SLC7A2: variants seen among roughly 807,000 people sequenced by gnomAD.
SLC7A2 encodes solute carrier family 7 member 2.
A neutral mutation model predicts 58.9 loss-of-function variants in SLC7A2; 48 were observed. The observed-to-expected ratio is 0.82, with a 90% confidence interval of 0.65 to 1.04. SLC7A2 has a LOEUF of 1.04. Among genes scored for constraint, SLC7A2 ranks in the 50% least tolerant of loss-of-function variants. The pLI, the probability that SLC7A2 is intolerant of heterozygous loss-of-function variation, is 0.00. For synonymous variants in SLC7A2, 363 were observed against 314.5 expected (o/e 1.15, Z -1.63); for missense variants, 1,029 against 818.8 (o/e 1.26, Z -3.13).
intron 2 of SLC7A2, among the ~76,000 whole-genome samples, chr8:17,529,090 A>T (rs1268292246): frequency 1.3e-5 from 2 of 152,264 alleles, no homozygotes; most frequent in Non-Finnish European, 2.9e-5. Context: ...AAAAAGCATT[A>T]TAAAGGCTTT....
intron 2 of SLC7A2, among the ~76,000 whole-genome samples, chr8:17,538,228 TG>T (rs1347468568): frequency 6.6e-6 from 1 of 152,238 alleles, no homozygotes; most frequent in African/African-American, 2.4e-5. Context: ...TTACAGTGCT[TG>T]TAACTTTGTA....
Position 17,554,658 on chromosome 8 carries a change from A to G in SLC7A2, c.1154A>G (p.Lys385Arg), listed in dbSNP as rs757641764. The change falls in exon 8 of 13, where the codon AAG (lysine) becomes AGG (arginine). Residue 385 changes from lysine (K) to arginine (R), a missense_variant. Physicochemically the swap from Lys to Arg is conservative, Grantham distance 26 (BLOSUM62 2). Coordinates refer to ENST00000494857, the MANE Select transcript of SLC7A2 (RefSeq NM_001370338.1). ...CTAGCTCAAATCAATTCCAAAACGA[A>G]GACACCAATAATTGCTACTTTATCA... ...KCLAQINSKT[K>R]TPIIATLSSG... The G allele has an allele frequency of 6.2e-7, 1 of 1,613,462 alleles. No homozygotes were observed. The highest frequency in any genetic ancestry group is 2.2e-5 in the East Asian group (1 of 44,828).
intron 8 of SLC7A2, among the ~76,000 whole-genome samples, chr8:17,556,459 G>T (rs954481223): frequency 6.6e-6 from 1 of 151,848 alleles, no homozygotes; most frequent in African/African-American, 2.4e-5. Flanking sequence ...TTGTGATTTT[G>T]TACTCCCATA....
At chr8:17,510,616 CT>C (rs1800564732) in intron 2 of SLC7A2, 1 of 152,156 alleles carries the variant, frequency 6.6e-6, no homozygotes, top group Admixed American at 6.5e-5. Context: ...TGTTTGTTGG[CT>C]GCATGAATGT....
intron 1 of SLC7A2, among the ~76,000 whole-genome samples, chr8:17,501,330 A>G (rs1020044029): frequency 6.6e-6 from 1 of 152,202 alleles, no homozygotes; most frequent in Non-Finnish European, 1.5e-5. Flanking sequence ...GGACTCTTAA[A>G]GTTTAAATAT....
intron 2 of SLC7A2, among the ~76,000 whole-genome samples, chr8:17,503,719 C>T (rs1458772567): frequency 2.0e-5 from 3 of 152,118 alleles, no homozygotes; most frequent in Non-Finnish European, 4.4e-5. Flanking sequence ...GGTATGAATT[C>T]CTGTGGGAAA....
intron 2 of SLC7A2, among the ~76,000 whole-genome samples, chr8:17,521,904 C>A (rs1399602253): frequency 6.6e-6 from 1 of 152,186 alleles, no homozygotes; most frequent in Non-Finnish European, 1.5e-5. Flanking sequence ...AGCTGTTACC[C>A]AGTGGCCAGT....
chr8:17,508,381 C>A (rs1311740380), intron 2 of SLC7A2, among the ~76,000 whole-genome samples: 2 of 152,092 alleles, frequency 1.3e-5, no homozygotes, highest in East Asian at 3.9e-4. Flanking sequence ...TTGTATTCTT[C>A]CTGCATTGCT....
intron 8 of SLC7A2, chr8:17,555,096 A>G: frequency 1.2e-6 from 2 of 1,612,722 alleles, no homozygotes. Flanking sequence ...AGCTTTACAA[A>G]CTTAGGTTTC....
At chr8:17,538,680 G>A (rs1339948301) in intron 2 of SLC7A2, 3 of 844,436 alleles carry the variant, frequency 3.6e-6, no homozygotes, top group Non-Finnish European at 1.8e-6. Context: ...AGAAACGTTG[G>A]GTTTGGACAT....
At chr8:17,524,798 A>AT (rs372924751) in intron 2 of SLC7A2, among the ~76,000 whole-genome samples, 2,448 of 146,368 alleles carry the variant, frequency 0.017, 45 homozygotes, top group African/African-American at 0.04. Context: ...TCTAATCCTG[A>AT]TTTTTTTTTT....
At chr8:17,532,831 T>C (rs537046663) in intron 2 of SLC7A2, among the ~76,000 whole-genome samples, 1 of 152,322 alleles carries the variant, frequency 6.6e-6, no homozygotes, top group East Asian at 1.9e-4. Context: ...AATATATCCA[T>C]ATACACATAT....
chr8:17,547,232 G>A (rs1224213340), intron 4 of SLC7A2, among the ~76,000 whole-genome samples: 2 of 146,498 alleles, frequency 1.4e-5, no homozygotes, highest in Non-Finnish European at 3.1e-5. Context: ...AGGTGACCGA[G>A]TAGGGAAAGA....
intron 3 of SLC7A2, 150 bp from the exon 4 acceptor site, chr8:17,544,301 T>G: frequency 1.8e-6 from 1 of 557,308 alleles, no homozygotes; most frequent in Non-Finnish European, 3.1e-6. Flanking sequence ...ATTTGATGAC[T>G]ACTGTATGAT....
upstream of SLC7A2, among the ~76,000 whole-genome samples, chr8:17,495,732 T>G (rs542045060): frequency 2.6e-5 from 4 of 152,168 alleles, no homozygotes; most frequent in Non-Finnish European, 5.9e-5. Context: ...GTATTTTTAG[T>G]AGAGACGGAG....
chr8:17,534,155 T>C lies in SLC7A2; in HGVS notation c.-22-9163T>C, dbSNP rs142983670. On this transcript the variant is annotated intron_variant, in intron 2 of 12. Coordinates refer to ENST00000494857, the MANE Select transcript of SLC7A2 (RefSeq NM_001370338.1). Reference sequence around the variant, plus strand: ...TGTATATACCACATTTTCTTTATCCTGTCTATTATTGATGGGCACAGGCTA... The same window carrying C: ...TGTATATACCACATTTTCTTTATCCCGTCTATTATTGATGGGCACAGGCTA... 5.5e-3 allele frequency among the ~76,000 whole-genome samples: 831 copies of C among 152,266 alleles called. 7 individuals carry two copies. The highest frequency in any genetic ancestry group is 0.019 in the African/African-American group (798 of 41,546).
intron 2 of SLC7A2, among the ~76,000 whole-genome samples, chr8:17,505,081 A>AC (rs1425633050): frequency 1.3e-3 from 112 of 88,390 alleles, no homozygotes; most frequent in African/African-American, 4.1e-3. Context: ...ACCACCCCCC[A>AC]CCCCCCCGCC....
chr8:17,536,916 C>G (rs1310436963), intron 2 of SLC7A2, among the ~76,000 whole-genome samples: 1 of 152,204 alleles, frequency 6.6e-6, no homozygotes, highest in Admixed American at 6.5e-5. Flanking sequence ...GTCGGGGAAT[C>G]TTGCACACCC....
At chr8:17,540,845 C>T (rs1025785228) in intron 2 of SLC7A2, among the ~76,000 whole-genome samples, 2 of 152,166 alleles carry the variant, frequency 1.3e-5, no homozygotes, top group African/African-American at 4.8e-5. Flanking sequence ...ATCCTATTAG[C>T]CCCCGAATCT....
Sources: allele counts gnomAD v4.1 joint callset (sites outside exome capture counted in the v4.1 genomes callset), GRCh38; gene constraint gnomAD v4.1.1; transcripts MANE v1.5; gene names NCBI Gene and HGNC (gene_info 2026-07-23, HGNC 2026-07-21).